RABEP1: variants seen among roughly 807,000 people sequenced by gnomAD.
RABEP1 encodes the protein rabaptin, RAB GTPase binding effector protein 1, also known as rab GTPase-binding effector protein 1.
Under a neutral mutation model 123.4 loss-of-function variants are expected in RABEP1, and 51 were observed. The observed-to-expected ratio is 0.41, with a 90% confidence interval of 0.33 to 0.52. RABEP1 has a LOEUF of 0.52. Among genes scored for constraint, RABEP1 ranks in the 20% least tolerant of loss-of-function variants. RABEP1 has a pLI of 0.16. For synonymous variants in RABEP1, 347 were observed against 355.2 expected (o/e 0.98, Z 0.26); for missense variants, 888 against 996.3 (o/e 0.89, Z 1.46).
intron 4 of RABEP1, among the ~76,000 whole-genome samples, chr17:5,336,981 T>G (rs891779412): frequency 2.0e-5 from 3 of 152,206 alleles, no homozygotes; most frequent in Non-Finnish European, 4.4e-5. Context: ...TTAAATTCAG[T>G]GAATTAGGTT....
chr17:5,357,099 A>C (rs1281703596), intron 8 of RABEP1, among the ~76,000 whole-genome samples: 1 of 151,834 alleles, frequency 6.6e-6, no homozygotes, highest in African/African-American at 2.4e-5. Context: ...GCTGGTCTTG[A>C]ACTCCTGATC....
intron 8 of RABEP1, among the ~76,000 whole-genome samples, chr17:5,360,636 T>A (rs1350958079): frequency 6.6e-6 from 1 of 152,234 alleles, no homozygotes; most frequent in Non-Finnish European, 1.5e-5. Context: ...ATCCCCAAGA[T>A]GTTAATCTTT....
intron 1 of RABEP1, among the ~76,000 whole-genome samples, chr17:5,298,508 T>A (rs1016459472): frequency 6.6e-6 from 1 of 152,172 alleles, no homozygotes; most frequent in African/African-American, 2.4e-5. Flanking sequence ...CACTCTGAAT[T>A]GTGTGTGTAT....
At chr17:5,372,366 A>G (rs1036039264) in intron 12 of RABEP1, among the ~76,000 whole-genome samples, 1 of 152,126 alleles carries the variant, frequency 6.6e-6, no homozygotes, top group African/African-American at 2.4e-5. Flanking sequence ...AATCACTTGA[A>G]CCGGGACTCG....
At chr17:5,346,649 TA>T (rs34826672) in intron 5 of RABEP1, 140 bp from the exon 6 acceptor site, 1 of 428,128 alleles carries the variant, frequency 2.3e-6, no homozygotes, top group Non-Finnish European at 3.8e-6. Flanking sequence ...ATTTTATAAT[TA>T]AAAATTATAA....
chr17:5,366,018 T>C (rs186301735), intron 11 of RABEP1, among the ~76,000 whole-genome samples: 5 of 152,208 alleles, frequency 3.3e-5, no homozygotes, highest in Non-Finnish European at 7.3e-5. Flanking sequence ...CTGCAGGATA[T>C]GTAACTAGGG....
Position 5,308,704 on chromosome 17 carries a change from G to A in RABEP1, c.45G>A (p.Gln15=), listed in dbSNP as rs533366245. 42 of 1,608,786 alleles carry A rather than the reference G, an allele frequency of 2.6e-5. No homozygotes were observed. The highest frequency in any genetic ancestry group is 3.4e-5 in the Admixed American group (2 of 59,008). The change falls in exon 2 of 18, where the codon CAG becomes CAA. Residue 15 remains glutamine, a synonymous_variant. Transcript: ENST00000537505. ...GPASQPDVSL[Q]QRVAELEKIN... ...GTTTTTTTCCCCCAGTTTCTCTTCA[G>A]CAACGGGTAGCAGAATTGGAAAAAA...
intron 1 of RABEP1, among the ~76,000 whole-genome samples, chr17:5,289,171 T>C (rs1054645354): frequency 1.8e-4 from 1 of 5,494 alleles, no homozygotes; most frequent in African/African-American, 5.5e-4. Flanking sequence ...TTTCTTCTTC[T>C]TCTTCCTCTT....
intron 8 of RABEP1, among the ~76,000 whole-genome samples, chr17:5,355,953 A>C (rs1908976128): frequency 6.6e-6 from 1 of 152,222 alleles, no homozygotes; most frequent in Non-Finnish European, 1.5e-5. Context: ...TGTTTTCATC[A>C]TGCAGTAATC....
At chr17:5,335,804 A>G (rs1184298738) in intron 4 of RABEP1, among the ~76,000 whole-genome samples, 1 of 151,830 alleles carries the variant, frequency 6.6e-6, no homozygotes, top group Non-Finnish European at 1.5e-5. Flanking sequence ...TCAGGGGTAC[A>G]TGTGCTTGTT....
At chr17:5,371,248 G>C (rs970609848) in intron 12 of RABEP1, 2 of 152,206 alleles carry the variant, frequency 1.3e-5, no homozygotes, top group Non-Finnish European at 2.9e-5. Flanking sequence ...TTACAGGCGT[G>C]AGCCACTGCG....
Position 5,373,333 on chromosome 17 carries a change from G to C in RABEP1, c.1904G>C (p.Arg635Pro). The part of the protein sequence containing the change: ...QEQMAVLMQS[R>P]EQVSEELVRL... ...TTTTAGGCGGTGCTGATGCAGTCAC[G>C]GGAACAGGTTTCAGAAGAGCTGGTG... The change falls in exon 13 of 18, where the codon CGG (arginine) becomes CCG (proline). Residue 635 changes from arginine (R) to proline (P), a missense_variant. Coordinates refer to ENST00000537505, the MANE Select transcript of RABEP1 (RefSeq NM_004703.6). The C allele has an allele frequency of 6.2e-7, 1 of 1,613,026 alleles. No homozygotes were observed. Among genetic ancestry groups the C allele is most frequent in the Non-Finnish European group, 8.5e-7 (1 of 1,179,762 alleles).
chr17:5,354,304 G>A, intron 7 of RABEP1, 55 bp from the exon 8 acceptor site: 1 of 1,483,538 alleles, frequency 6.7e-7, no homozygotes, highest in Non-Finnish European at 9.2e-7. Context: ...AAAGAACTGT[G>A]TCACTTATTA....
At chr17:5,370,022 CA>C (rs1477177030) in intron 12 of RABEP1, among the ~76,000 whole-genome samples, 1 of 152,220 alleles carries the variant, frequency 6.6e-6, no homozygotes, top group Non-Finnish European at 1.5e-5. Context: ...TTAAAACCAT[CA>C]GCCCTTGCAG....
intron 2 of RABEP1, among the ~76,000 whole-genome samples, chr17:5,313,138 A>G (rs1404748894): frequency 6.6e-6 from 1 of 152,186 alleles, no homozygotes; most frequent in Admixed American, 6.6e-5. Flanking sequence ...CTGGTTATTC[A>G]GTATCTTTAC....
Position 5,346,405 on chromosome 17 carries a change from C to T in RABEP1, c.649-385C>T, listed in dbSNP as rs768823288. ...AAGCAAACTTAAAAGTGTATGGTAT[C>T]GTTTTTGTCCTTAGAAATTAACTAC... On this transcript the variant is annotated intron_variant, in intron 5 of 17. Coordinates refer to ENST00000537505, the MANE Select transcript of RABEP1 (RefSeq NM_004703.6). 2.0e-4 allele frequency among the ~76,000 whole-genome samples: 30 copies of T among 152,228 alleles called. 1 individual carries two copies. The highest frequency in any genetic ancestry group is 2.0e-4 in the Admixed American group (3 of 15,276).
chr17:5,288,600 C>T (rs1323945598), intron 1 of RABEP1, among the ~76,000 whole-genome samples: 3 of 152,020 alleles, frequency 2.0e-5, no homozygotes, highest in Admixed American at 6.6e-5. Flanking sequence ...TCGCCATGTT[C>T]GTCAGGCTGG....
Position 5,289,414 on chromosome 17 carries a change from C to A in RABEP1, c.34+6894C>A, listed in dbSNP as rs73976330. Among the ~76,000 whole-genome samples, 1,309 of 142,184 alleles carry A rather than the reference C, an allele frequency of 9.2e-3. 27 individuals carry two copies. Among genetic ancestry groups the A allele is most frequent in the African/African-American group, 0.032 (1,243 of 38,984 alleles). 93.3% of individuals were successfully genotyped at this position (142,184 alleles called of 152,430 possible). On this transcript the variant is annotated intron_variant, in intron 1 of 17. Transcript: ENST00000537505. ...AGAAAGCTTTAATTTTTATGTAGAT[C>A]TGACCTTTTTTTTTTTTTTTTAAAT...
chr17:5,316,899 AT>A (rs1199608653), intron 2 of RABEP1, among the ~76,000 whole-genome samples: 1 of 150,594 alleles, frequency 6.6e-6, no homozygotes. Context: ...AAATTTAAAA[AT>A]TTTTTTTTAA....
Sources: allele counts gnomAD v4.1 joint callset (sites outside exome capture counted in the v4.1 genomes callset), GRCh38; gene constraint gnomAD v4.1.1; transcripts MANE v1.5; gene names NCBI Gene and HGNC (gene_info 2026-07-23, HGNC 2026-07-21).